The following TMEM132C variants were observed in gnomAD, a reference collection of about 807,000 sequenced individuals.
The protein encoded by TMEM132C is transmembrane protein 132C.
Under a neutral mutation model 61.4 loss-of-function variants are expected in TMEM132C, and 29 were observed. The observed-to-expected ratio is 0.47, with a 90% CI of 0.35 to 0.64. TMEM132C has a LOEUF of 0.64. Among genes scored for constraint, TMEM132C ranks in the 30% least tolerant of loss-of-function variants. The pLI is 0.00. For synonymous variants in TMEM132C, 656 were observed against 633.1 expected (o/e 1.04, Z -0.54); for missense variants, 1,408 against 1,476.9 (o/e 0.95, Z 0.76).
intron 2 of TMEM132C, among the ~76,000 whole-genome samples, chr12:128,469,298 G>A (rs187560018): frequency 1.5e-4 from 23 of 150,940 alleles, no homozygotes; most frequent in African/African-American, 4.4e-4. Flanking sequence ...ATATATAAGC[G>A]TGAGTGCACA....
Position 128,471,110 on chromosome 12 carries a change from T to C in TMEM132C, c.974+55490T>C, listed in dbSNP as rs79766180. Among the ~76,000 whole-genome samples the C allele has an allele frequency of 5.4e-3, 825 of 152,246 alleles. 11 individuals carry two copies. The highest frequency in any genetic ancestry group is 0.019 in the African/African-American group (773 of 41,536). ...TGTTTACCAGCATCTCTGGTCTCTG[T>C]CCACTAAATGCCAGAAGCATCCCCG... On this transcript the variant is annotated intron_variant, in intron 2 of 8. Transcript: ENST00000435159.
chr12:128,292,115 C>T (rs1871264567), intron 1 of TMEM132C, among the ~76,000 whole-genome samples: 1 of 152,184 alleles, frequency 6.6e-6, no homozygotes, highest in Admixed American at 6.5e-5. Context: ...GTAATCAATT[C>T]CTATGTTTAA....
intron 1 of TMEM132C, among the ~76,000 whole-genome samples, chr12:128,366,725 G>T (rs1455215544): frequency 6.6e-6 from 1 of 152,140 alleles, no homozygotes; most frequent in East Asian, 1.9e-4. Flanking sequence ...TGAAATTTGG[G>T]GATGGCACTG....
Position 128,267,440 on chromosome 12 carries a change from C to T in TMEM132C, c.38C>T (p.Pro13Leu), listed in dbSNP as rs980917827. The T allele has an allele frequency of 1.9e-5, 24 of 1,255,898 alleles. No homozygotes were observed. Among genetic ancestry groups the T allele is most frequent in the Non-Finnish European group, 2.3e-5 (23 of 1,002,076 alleles). 77.8% of individuals were successfully genotyped at this position (1,255,898 alleles called of 1,614,324 possible). A position where few individuals can be genotyped will look rare whatever the true frequency, so the allele number is the denominator to read the frequency against. Residue 13 changes from proline to leucine, a missense_variant, in exon 1 of 9, where the codon CCG (proline) becomes CTG (leucine). By Grantham distance (98) the Pro-to-Leu change is moderately conservative (BLOSUM62 -3). Transcript: ENST00000435159. ...SEGAAPGPAA[P>L]LCGALSLLLG... Reference sequence around the variant, plus strand: ...GGTGCGGCCCCCGGGCCGGCGGCGCCGCTGTGCGGGGCGCTGAGCCTGCTG... The same window carrying T: ...GGTGCGGCCCCCGGGCCGGCGGCGCTGCTGTGCGGGGCGCTGAGCCTGCTG...
At chr12:128,514,156 A>G (rs1172384859) in intron 2 of TMEM132C, among the ~76,000 whole-genome samples, 3 of 152,228 alleles carry the variant, frequency 2.0e-5, no homozygotes, top group Non-Finnish European at 2.9e-5. Flanking sequence ...AAAGCATCAC[A>G]ATCCAAGTTG....
At chr12:128,546,515 G>A (rs76281496) in intron 3 of TMEM132C, among the ~76,000 whole-genome samples, 9,900 of 152,102 alleles carry the variant, frequency 0.065, 754 homozygotes, top group African/African-American at 0.19. Context: ...TTTGACCCCA[G>A]TTGTGTTTGC....
intron 1 of TMEM132C, among the ~76,000 whole-genome samples, chr12:128,309,733 T>C (rs1365639229): frequency 6.6e-6 from 1 of 151,698 alleles, no homozygotes; most frequent in East Asian, 1.9e-4. Context: ...TTTCTTTTTT[T>C]TTTTTCTTTT....
chr12:128,517,058 TA>T (rs1277488510), intron 2 of TMEM132C, among the ~76,000 whole-genome samples: 1 of 131,926 alleles, frequency 7.6e-6, no homozygotes, highest in Non-Finnish European at 1.6e-5. Context: ...CTGTCTCTGC[TA>T]AAAATACAAA....
At chr12:128,323,894 A>G (rs990231370) in intron 1 of TMEM132C, among the ~76,000 whole-genome samples, 3 of 152,310 alleles carry the variant, frequency 2.0e-5, no homozygotes, top group African/African-American at 7.2e-5. Context: ...GGAAAGAAGA[A>G]CAAGGAAAGG....
At chr12:128,451,608 G>A (rs1414369843) in intron 2 of TMEM132C, among the ~76,000 whole-genome samples, 5 of 152,116 alleles carry the variant, frequency 3.3e-5, no homozygotes, top group East Asian at 1.9e-4. Flanking sequence ...AATGTATTGC[G>A]ACACTGACTA....
rs765563796 is a variant in TMEM132C at position 128,693,983 on chromosome 12, C to T, written c.1604C>T (p.Thr535Met). ...CCCCTGCAGATCGAGGTCTCTGACA[C>T]GGAGCTCAGCCAGATAAAGGGCTGG... is the stretch of plus-strand genomic sequence containing the variant. ...RLPLQIEVSD[T>M]ELSQIKGWRV... Residue 535 changes from threonine (T) to methionine (M), a missense_variant, in exon 6 of 9, where the codon ACG (threonine) becomes ATG (methionine). Physicochemically the swap from Thr to Met is moderately conservative, Grantham distance 81. Transcript: ENST00000435159. The T allele has an allele frequency of 5.5e-5, 86 of 1,551,724 alleles. No homozygotes were observed. Among genetic ancestry groups the T allele is most frequent in the African/African-American group, 1.8e-4 (13 of 73,152 alleles).
intron 4 of TMEM132C, among the ~76,000 whole-genome samples, chr12:128,622,354 AAAAAAAATATATATATATATATATAT>A (rs1185396329): frequency 6.0e-5 from 4 of 66,280 alleles, no homozygotes; most frequent in African/African-American, 1.9e-4. Context: ...AAAAAAAAAA[AAAAAAAATATATATATATATATATAT>A]ATATATATAT....
At chr12:128,699,872 G>C (rs1042802074) in intron 8 of TMEM132C, among the ~76,000 whole-genome samples, 1 of 152,196 alleles carries the variant, frequency 6.6e-6, no homozygotes, top group Non-Finnish European at 1.5e-5. Flanking sequence ...TGGGGTGCAT[G>C]CAGGTCCTCA....
chr12:128,506,124 C>T (rs1340077835), intron 2 of TMEM132C, among the ~76,000 whole-genome samples: 1 of 152,194 alleles, frequency 6.6e-6, no homozygotes, highest in Admixed American at 6.5e-5. Flanking sequence ...GACCCAACCT[C>T]GCCGTCATTA....
At chr12:128,536,898 G>T (rs1873553744) in intron 2 of TMEM132C, among the ~76,000 whole-genome samples, 1 of 152,192 alleles carries the variant, frequency 6.6e-6, no homozygotes, top group South Asian at 2.1e-4. Context: ...CTGCCAGGTG[G>T]CCATTCTGAC....
At chr12:128,647,621 G>C (rs981369189) in intron 4 of TMEM132C, among the ~76,000 whole-genome samples, 1 of 151,720 alleles carries the variant, frequency 6.6e-6, no homozygotes, top group African/African-American at 2.4e-5. Flanking sequence ...CGTTGGATGT[G>C]AGTGTGTTTA....
chr12:128,681,735 C>T (rs1001649443), intron 5 of TMEM132C, among the ~76,000 whole-genome samples: 3 of 150,334 alleles, frequency 2.0e-5, no homozygotes, highest in Middle Eastern at 3.4e-3. Context: ...CTCGCTGCAA[C>T]CTCCACCTCC....
At chr12:128,703,472 G>T (rs957705869) in intron 8 of TMEM132C, among the ~76,000 whole-genome samples, 2 of 152,150 alleles carry the variant, frequency 1.3e-5, no homozygotes, top group Non-Finnish European at 2.9e-5. Context: ...GCAAAGGATG[G>T]GATCTTGTTC....
intron 4 of TMEM132C, among the ~76,000 whole-genome samples, chr12:128,664,233 A>G (rs889115086): frequency 7.4e-6 from 1 of 135,166 alleles, no homozygotes; most frequent in Non-Finnish European, 1.5e-5. Context: ...TGTTCCATGA[A>G]GTCGTTCCAG....
Sources: gnomAD v4.1 joint callset for allele counts (sites outside exome capture counted in the v4.1 genomes callset) on GRCh38, gnomAD v4.1.1 for gene constraint, MANE v1.5 for transcripts, NCBI Gene and HGNC (gene_info 2026-07-23, HGNC 2026-07-21) for gene names.